The following ANKRD30BL variants were observed in gnomAD, a reference collection of about 807,000 sequenced individuals.
The protein encoded by ANKRD30BL is putative ankyrin repeat domain-containing protein 30B-like.
A neutral mutation model predicts 18.4 loss-of-function variants in ANKRD30BL; 20 were observed. The observed-to-expected ratio is 1.09, with a 90% CI of 0.77 to 1.58. The LOEUF is 1.58. ANKRD30BL is among the 40% of genes most tolerant of loss of function. ANKRD30BL has a pLI of 0.00. For missense variants in ANKRD30BL, 224 were observed against 268.6 expected (o/e 0.83, Z 1.16); for synonymous variants, 72 against 100.9 (o/e 0.71, Z 1.72).
chr2:132,157,689 A>T (rs544984415), intron 1 of ANKRD30BL, among the ~76,000 whole-genome samples: 57 of 152,278 alleles, frequency 3.7e-4, no homozygotes, highest in Admixed American at 1.0e-3. Flanking sequence ...TTCACCTTCT[A>T]CTATCACTTA....
chr2:132,196,035 G>A lies in ANKRD30BL; in HGVS notation n.442-38889C>T, dbSNP rs532433893. Reference sequence around the variant, plus strand: ...TGGGCACCTGTAGTCCCAGCTATTCGGGAGGCTGGGGCAGGAGAATAGCGT... The same window carrying A: ...TGGGCACCTGTAGTCCCAGCTATTCAGGAGGCTGGGGCAGGAGAATAGCGT... On this transcript the variant is annotated intron_variant and non_coding_transcript_variant, in intron 1 of 4. Coordinates refer to the ANKRD30BL transcript ENST00000470729. Among the ~76,000 whole-genome samples the A allele has an allele frequency of 3.5e-3, 537 of 151,298 alleles. 8 individuals carry two copies. Among genetic ancestry groups the A allele is most frequent in the Non-Finnish European group, 1.2e-3 (80 of 67,810 alleles).
intron 1 of ANKRD30BL, among the ~76,000 whole-genome samples, chr2:132,196,439 G>A (rs1678971172): frequency 6.9e-6 from 1 of 145,640 alleles, no homozygotes; most frequent in African/African-American, 2.8e-5. Context: ...AACAGAGTAA[G>A]ACTCTGGGGG....
intron 1 of ANKRD30BL, among the ~76,000 whole-genome samples, chr2:132,198,470 T>G (rs1679022675): frequency 1.3e-5 from 2 of 151,440 alleles, no homozygotes; most frequent in African/African-American, 4.9e-5. Flanking sequence ...ACTACAGGCA[T>G]CCGCCACCAT....
At chr2:132,230,338 G>A (rs6740607) in intron 1 of ANKRD30BL, among the ~76,000 whole-genome samples, 16,746 of 149,128 alleles carry the variant, frequency 0.11, 3,048 homozygotes, top group African/African-American at 0.38. Flanking sequence ...ATTCTCAGAA[G>A]TGTATTTGTG....
intron 1 of ANKRD30BL, among the ~76,000 whole-genome samples, chr2:132,172,481 T>C (rs1297377843): frequency 6.6e-6 from 1 of 152,226 alleles, no homozygotes; most frequent in African/African-American, 2.4e-5. Context: ...CTAGTGATAT[T>C]AAGCCTCTTT....
At chr2:132,164,269 C>CTTTTTTTTTTTTTTT (rs796313755), upstream of ANKRD30BL, among the ~76,000 whole-genome samples, 33 of 112,190 alleles carry the variant, frequency 2.9e-4, 1 homozygote, top group East Asian at 1.6e-3. Context: ...TTTTCTTTTT[C>CTTTTTTTTTTTTTTT]TTTTTTTTTT....
chr2:132,156,139 A>G (rs1346536317), intron 3 of ANKRD30BL: 2 of 152,054 alleles, frequency 1.3e-5, no homozygotes, highest in South Asian at 2.1e-4. Flanking sequence ...GAAGCCATAA[A>G]TCACTTGAAT....
At chr2:132,254,277 G>A (rs572228832) in intron 1 of ANKRD30BL, among the ~76,000 whole-genome samples, 5 of 152,188 alleles carry the variant, frequency 3.3e-5, no homozygotes, top group South Asian at 2.1e-4. Flanking sequence ...CCATGCATGC[G>A]CCACAGGGGA....
chr2:132,178,375 T>C (rs1397312053), intron 1 of ANKRD30BL, among the ~76,000 whole-genome samples: 3 of 152,228 alleles, frequency 2.0e-5, no homozygotes, highest in Non-Finnish European at 4.4e-5. Context: ...AACAGTGGAA[T>C]TTTTTAATTT....
chr2:132,237,941 G>T (rs1211034349), intron 1 of ANKRD30BL, among the ~76,000 whole-genome samples: 1 of 151,238 alleles, frequency 6.6e-6, no homozygotes, highest in African/African-American at 2.4e-5. Context: ...TTAAGGCTTT[G>T]TTTGGAAAAG....
chr2:132,188,855 C>G (rs1323085323), intron 1 of ANKRD30BL, among the ~76,000 whole-genome samples: 1 of 152,194 alleles, frequency 6.6e-6, no homozygotes, highest in Non-Finnish European at 1.5e-5. Flanking sequence ...ATTGGTTCTA[C>G]TACATACATC....
intron 1 of ANKRD30BL, among the ~76,000 whole-genome samples, chr2:132,167,788 T>C (rs1358031917): frequency 6.6e-6 from 1 of 152,222 alleles, no homozygotes; most frequent in Non-Finnish European, 1.5e-5. Context: ...ATCGATTATA[T>C]ATATTTTATG....
At chr2:132,199,294 A>G (rs560757204) in intron 1 of ANKRD30BL, among the ~76,000 whole-genome samples, 6 of 152,242 alleles carry the variant, frequency 3.9e-5, no homozygotes, top group African/African-American at 1.2e-4. Context: ...TGGGAGGCAT[A>G]GGTTGCAATG....
intron 1 of ANKRD30BL, among the ~76,000 whole-genome samples, chr2:132,204,591 G>A (rs1679173918): frequency 6.6e-6 from 1 of 152,060 alleles, no homozygotes; most frequent in African/African-American, 2.4e-5. Flanking sequence ...GATTATTCCA[G>A]CAGTACAGGC....
intron 1 of ANKRD30BL, among the ~76,000 whole-genome samples, chr2:132,177,214 C>T (rs1209892780): frequency 4.0e-5 from 6 of 151,842 alleles, no homozygotes; most frequent in Non-Finnish European, 8.8e-5. Flanking sequence ...AGTGCAATGG[C>T]ACTTCCTCGT....
intron 1 of ANKRD30BL, among the ~76,000 whole-genome samples, chr2:132,215,760 G>T (rs1573851639): frequency 6.6e-6 from 1 of 152,064 alleles, no homozygotes; most frequent in South Asian, 2.1e-4. Context: ...TCATCTCAGA[G>T]AGTTGAACCT....
rs570626297 is a variant in ANKRD30BL, at chr2:132,252,132, T to C, written n.441+5397A>G. On this transcript the variant is annotated intron_variant and non_coding_transcript_variant, in intron 1 of 4. Transcript: ENST00000470729. ...CTTTTATTAAAACTGTATTTTTTTTTACACTTTTGTGTAACTCGGGTAATG... is the reference window on the plus strand; with the variant it reads ...CTTTTATTAAAACTGTATTTTTTTTCACACTTTTGTGTAACTCGGGTAATG... Among the ~76,000 whole-genome samples, 30 of 151,902 alleles carry C rather than the reference T, an allele frequency of 2.0e-4. No individual in the cohort carries two copies. The East Asian group carries it at 5.6e-3, about 28-fold the overall frequency.
chr2:132,160,221 C>T (rs1259567508), intron 1 of ANKRD30BL, among the ~76,000 whole-genome samples: 1 of 151,976 alleles, frequency 6.6e-6, no homozygotes, highest in Non-Finnish European at 1.5e-5. Flanking sequence ...CCCTCCTCAG[C>T]CTCCCGAGTA....
chr2:132,176,807 A>G (rs914957424), intron 1 of ANKRD30BL, among the ~76,000 whole-genome samples: 1 of 152,092 alleles, frequency 6.6e-6, no homozygotes, highest in African/African-American at 2.4e-5. Context: ...AAAATGCAGC[A>G]GCGTATTATG....
Sources: gnomAD v4.1 joint callset for allele counts (sites outside exome capture counted in the v4.1 genomes callset) on GRCh38, gnomAD v4.1.1 for gene constraint, MANE v1.5 for transcripts, NCBI Gene and HGNC (gene_info 2026-07-23, HGNC 2026-07-21) for gene names.